NOS1AP: variants seen among roughly 807,000 people sequenced by gnomAD.
The protein encoded by NOS1AP is nitric oxide synthase 1 adaptor protein.
In NOS1AP, 21 loss-of-function variants were observed where a neutral mutation model predicts 56.2. That is an observed-to-expected ratio of 0.37 (90% CI 0.26 to 0.54). The LOEUF is 0.54. Ranked by LOEUF, NOS1AP falls within the 20% of genes least tolerant of loss-of-function variation. The pLI is 0.84. For synonymous variants in NOS1AP, 270 were observed against 274.6 expected, an observed-to-expected ratio of 0.98 and a Z score of 0.17; for missense variants, 522 against 657.8, an observed-to-expected ratio of 0.79 and a Z score of 2.26.
intron 1 of NOS1AP, among the ~76,000 whole-genome samples, chr1:162,100,232 A>T: frequency 6.6e-6 from 1 of 151,858 alleles, no homozygotes. Flanking sequence ...TGGTTGAACT[A>T]GTTTACAGTC....
chr1:162,355,798 G>A (rs983619347), intron 7 of NOS1AP, among the ~76,000 whole-genome samples: 2 of 152,158 alleles, frequency 1.3e-5, no homozygotes, highest in African/African-American at 4.8e-5. Context: ...GCACTTTGGA[G>A]TCTGGAAGTT....
chr1:162,217,498 C>A (rs931586897), intron 2 of NOS1AP, among the ~76,000 whole-genome samples: 2 of 152,034 alleles, frequency 1.3e-5, no homozygotes, highest in African/African-American at 4.8e-5. Context: ...CTCCTGGCCT[C>A]AAGTGATCCA....
intron 3 of NOS1AP, among the ~76,000 whole-genome samples, chr1:162,290,084 T>TC (rs1166134105): frequency 6.6e-6 from 1 of 152,184 alleles, no homozygotes; most frequent in Admixed American, 6.5e-5. Flanking sequence ...GAGTAGCATC[T>TC]CCCTGAGGGA....
chr1:162,354,775 C>T (rs1657641515), intron 6 of NOS1AP, among the ~76,000 whole-genome samples: 1 of 152,216 alleles, frequency 6.6e-6, no homozygotes, highest in African/African-American at 2.4e-5. Flanking sequence ...AGGGGATTTG[C>T]TTCTTGTCCA....
chr1:162,264,461 T>TCTCC (rs1209960241), intron 2 of NOS1AP, among the ~76,000 whole-genome samples: 1 of 37,254 alleles, frequency 2.7e-5, no homozygotes, highest in Non-Finnish European at 3.8e-5. Context: ...TTCTCTTCTC[T>TCTCC]TCTCCTCCCC....
intron 1 of NOS1AP, among the ~76,000 whole-genome samples, chr1:162,126,941 A>G (rs1017549944): frequency 9.9e-5 from 15 of 152,156 alleles, no homozygotes; most frequent in African/African-American, 3.6e-4. Context: ...CATGGCCAAC[A>G]GAATGTATTG....
chr1:162,225,034 C>A (rs1652897292), intron 2 of NOS1AP, among the ~76,000 whole-genome samples: 2 of 152,210 alleles, frequency 1.3e-5, no homozygotes. Flanking sequence ...TTCCCAGTGA[C>A]ATGTCTGAGT....
intron 3 of NOS1AP, among the ~76,000 whole-genome samples, chr1:162,292,379 G>A (rs180839245): frequency 2.4e-4 from 36 of 152,358 alleles, no homozygotes; most frequent in Non-Finnish European, 4.6e-4. Flanking sequence ...AGGTGATAAT[G>A]AGAACAGCTA....
intron 1 of NOS1AP, among the ~76,000 whole-genome samples, chr1:162,104,352 T>C (rs1647416362): frequency 6.6e-6 from 1 of 152,196 alleles, no homozygotes; most frequent in African/African-American, 2.4e-5. Flanking sequence ...TTTTCCTTTA[T>C]TTCAACCTTG....
At chr1:162,364,461 T>C in intron 8 of NOS1AP, 1 of 985,442 alleles carries the variant, frequency 1.0e-6, no homozygotes, top group Non-Finnish European at 1.2e-6. Flanking sequence ...CAAACCAGGG[T>C]CCTGGTCTGG....
intron 1 of NOS1AP, among the ~76,000 whole-genome samples, chr1:162,142,874 G>C (rs986257599): frequency 4.9e-4 from 74 of 152,154 alleles, no homozygotes; most frequent in African/African-American, 1.8e-3. Context: ...ATATTTTAGA[G>C]AGATTTCTAA....
Position 162,352,307 on chromosome 1 carries a change from C to A in NOS1AP, c.596-2880C>A, listed in dbSNP as rs1571239070. Reference sequence around the variant, plus strand: ...CTCCTGAGCTCAGGTGACCCACCCACCCCGGCCTCCCAAAGTGCTGGAATT... The same window carrying A: ...CTCCTGAGCTCAGGTGACCCACCCAACCCGGCCTCCCAAAGTGCTGGAATT... On this transcript the variant is annotated intron_variant, in intron 6 of 9. Transcript: ENST00000361897. 3.9e-5 allele frequency among the ~76,000 whole-genome samples: 6 copies of A among 151,978 alleles called. No individual in the cohort carries two copies. In the South Asian group the frequency reaches 1.2e-3, roughly 32 times the overall value.
intron 2 of NOS1AP, among the ~76,000 whole-genome samples, chr1:162,240,832 T>G (rs1268868861): frequency 6.6e-6 from 1 of 152,228 alleles, no homozygotes. Context: ...GGAGCAATTA[T>G]GGCCCTGCCC....
At chr1:162,163,113 A>C (rs549083977) in intron 2 of NOS1AP, among the ~76,000 whole-genome samples, 2 of 152,236 alleles carry the variant, frequency 1.3e-5, no homozygotes, top group Admixed American at 6.5e-5. Context: ...AGGTTCATCC[A>C]TATTGGGACA....
At chr1:162,239,867 T>A (rs1005066106) in intron 2 of NOS1AP, among the ~76,000 whole-genome samples, 1 of 152,222 alleles carries the variant, frequency 6.6e-6, no homozygotes, top group Non-Finnish European at 1.5e-5. Flanking sequence ...TTACTTTTAC[T>A]TAGGTTTGTC....
intron 1 of NOS1AP, among the ~76,000 whole-genome samples, chr1:162,153,239 A>G (rs1649792048): frequency 6.6e-6 from 1 of 152,080 alleles, no homozygotes. Flanking sequence ...AGCAATTCTC[A>G]TGCCTCAGCC....
intron 5 of NOS1AP, among the ~76,000 whole-genome samples, chr1:162,340,579 T>C (rs1657079488): frequency 6.6e-6 from 1 of 152,244 alleles, no homozygotes; most frequent in African/African-American, 2.4e-5. Flanking sequence ...ATTTACTATA[T>C]GCCAGGCACT....
At position 162,302,832 on chromosome 1, in the gene NOS1AP, A is replaced by G. The variant is rs533597932; in HGVS notation, c.344+2126A>G. On this transcript the variant is annotated intron_variant, in intron 4 of 9. Coordinates refer to ENST00000361897, the MANE Select transcript of NOS1AP (RefSeq NM_014697.3). ...CACTTTTTCCCCAATCTCAATCCCC[A>G]CATCCCCAAGCGACCACGATCTCCT... Among the ~76,000 whole-genome samples the G allele has an allele frequency of 2.0e-5, 3 of 152,188 alleles. No individual in the cohort carries two copies. In the East Asian group the frequency reaches 5.8e-4, roughly 29 times the overall value.
intron 5 of NOS1AP, chr1:162,342,769 T>C (rs1657150852): frequency 2.7e-6 from 1 of 365,366 alleles, no homozygotes; most frequent in Admixed American, 3.8e-5. Flanking sequence ...ATGTGATTGA[T>C]GGACTATATG....
Sources: gnomAD v4.1 joint callset for allele counts (sites outside exome capture counted in the v4.1 genomes callset) on GRCh38, gnomAD v4.1.1 for gene constraint, MANE v1.5 for transcripts, NCBI Gene and HGNC (gene_info 2026-07-23, HGNC 2026-07-21) for gene names.